Variants in ELMO1 observed in about 807,000 individuals in gnomAD.
ELMO1 encodes the protein engulfment and cell motility 1.
A neutral mutation model predicts 98.9 loss-of-function variants in ELMO1; 26 were observed. That is an observed-to-expected ratio of 0.26 (90% CI 0.19 to 0.36). The LOEUF is 0.36. ELMO1 is among the 10% of genes least tolerant of loss of function. ELMO1 has a pLI of 1.00. For missense variants in ELMO1, 627 were observed against 935.2 expected (o/e 0.67, Z 4.30); for synonymous variants, 346 against 346.0 (o/e 1.00, Z 0.00).
At chr7:37,407,319 C>T (rs916070081) in intron 1 of ELMO1, among the ~76,000 whole-genome samples, 2 of 152,022 alleles carry the variant, frequency 1.3e-5, no homozygotes, top group African/African-American at 2.4e-5. Context: ...ACCAGCCCGT[C>T]CAACATGCTG....
At chr7:36,918,976 A>C (rs1584369705) in intron 16 of ELMO1, among the ~76,000 whole-genome samples, 1 of 84,402 alleles carries the variant, frequency 1.2e-5, no homozygotes, top group Non-Finnish European at 2.8e-5. Flanking sequence ...GCATGCCTTC[A>C]TTCATTCATT....
intron 16 of ELMO1, among the ~76,000 whole-genome samples, chr7:36,969,066 T>C (rs1021843142): frequency 6.6e-5 from 10 of 152,148 alleles, no homozygotes; most frequent in African/African-American, 2.2e-4. Flanking sequence ...GTGATGCATT[T>C]TTGAAAAAGT....
intron 14 of ELMO1, among the ~76,000 whole-genome samples, chr7:37,126,501 GATATAAACAGTATA>G (rs1786534056): frequency 6.6e-6 from 1 of 151,832 alleles, no homozygotes; most frequent in African/African-American, 2.4e-5. Flanking sequence ...AAGTGATTCT[GATATAAACAGTATA>G]ATAACTTACA....
At chr7:37,040,044 A>ATG (rs531594427) in intron 15 of ELMO1, among the ~76,000 whole-genome samples, 6 of 151,700 alleles carry the variant, frequency 4.0e-5, no homozygotes, top group Non-Finnish European at 7.4e-5. Flanking sequence ...GTTTGTGTGT[A>ATG]TGTGTGTGTG....
chr7:37,244,595 C>G (rs1391211046), intron 6 of ELMO1, among the ~76,000 whole-genome samples: 2 of 152,136 alleles, frequency 1.3e-5, no homozygotes, highest in African/African-American at 4.8e-5. Flanking sequence ...ATCAAAAGAT[C>G]AGCATTAAAC....
chr7:37,162,463 C>A (rs1202023488), intron 13 of ELMO1, among the ~76,000 whole-genome samples: 1 of 152,204 alleles, frequency 6.6e-6, no homozygotes, highest in Non-Finnish European at 1.5e-5. Flanking sequence ...CTAAGTCATG[C>A]ACAGGCTCAG....
intron 20 of ELMO1, among the ~76,000 whole-genome samples, chr7:36,868,345 C>CT (rs1421380801): frequency 2.0e-5 from 2 of 98,446 alleles, no homozygotes; most frequent in African/African-American, 3.5e-5. Flanking sequence ...TCTTCTTCTT[C>CT]TTCTTTTTTT....
intron 14 of ELMO1, among the ~76,000 whole-genome samples, chr7:37,101,263 C>CT (rs1784624766): frequency 6.6e-6 from 1 of 152,188 alleles, no homozygotes; most frequent in South Asian, 2.1e-4. Context: ...GTCCCATGTG[C>CT]TGCTGTTTAA....
In ELMO1 at chr7:37,208,485, C is replaced by T. The variant is rs140402800; in HGVS notation, c.1086+2901G>A. On this transcript the variant is annotated intron_variant, in intron 13 of 21. Transcript: ENST00000310758. ...TCTTCAAAGTGATCCAAAAGATGAT[C>T]CAAACCTCAAATTAATCCTTAAAGT... Among the ~76,000 whole-genome samples, 59 of 152,314 alleles carry T rather than the reference C, an allele frequency of 3.9e-4. No individual in the cohort carries two copies. The East Asian group carries it at 9.2e-3, about 24-fold the overall frequency.
At chr7:37,016,935 GCCTCCAATGCA>G (rs1368007444) in intron 15 of ELMO1, among the ~76,000 whole-genome samples, 1 of 152,030 alleles carries the variant, frequency 6.6e-6, no homozygotes, top group Non-Finnish European at 1.5e-5. Flanking sequence ...AATTAACCCT[GCCTCCAATGCA>G]CCTCCACCAA....
At chr7:37,423,059 C>T (rs1804549931) in intron 1 of ELMO1, among the ~76,000 whole-genome samples, 1 of 152,208 alleles carries the variant, frequency 6.6e-6, no homozygotes, top group South Asian at 2.1e-4. Context: ...GGACTCAGGT[C>T]CCACTCCTTC....
intron 4 of ELMO1, among the ~76,000 whole-genome samples, chr7:37,285,920 G>GC: frequency 6.6e-6 from 1 of 152,070 alleles, no homozygotes; most frequent in Non-Finnish European, 1.5e-5. Context: ...AACGACATGT[G>GC]CAAATGCTTA....
chr7:37,081,284 A>G (rs1797853373), intron 15 of ELMO1, among the ~76,000 whole-genome samples: 1 of 152,276 alleles, frequency 6.6e-6, no homozygotes. Context: ...AAAATGGAAT[A>G]CTATGCAATT....
At chr7:37,067,420 C>T (rs1169365894) in intron 15 of ELMO1, among the ~76,000 whole-genome samples, 3 of 152,208 alleles carry the variant, frequency 2.0e-5, no homozygotes. Context: ...CAAAGAGCGA[C>T]AGAAATGCAA....
chr7:36,912,797 A>AT (rs1272860356), intron 16 of ELMO1, among the ~76,000 whole-genome samples: 2 of 152,220 alleles, frequency 1.3e-5, no homozygotes, highest in Non-Finnish European at 2.9e-5. Flanking sequence ...ACTGAAGATA[A>AT]TATCTGCCTC....
chr7:37,191,061 C>T (rs1248216101), intron 13 of ELMO1, among the ~76,000 whole-genome samples: 6 of 151,140 alleles, frequency 4.0e-5, no homozygotes, highest in East Asian at 2.0e-4. Context: ...TGGTGGTGGG[C>T]GCCTGTGGTC....
At chr7:37,388,158 GA>G (rs1358525772) in intron 1 of ELMO1, among the ~76,000 whole-genome samples, 12 of 152,092 alleles carry the variant, frequency 7.9e-5, no homozygotes, top group African/African-American at 2.9e-4. Context: ...TACACTTTGA[GA>G]AACAATGCCT....
intron 16 of ELMO1, among the ~76,000 whole-genome samples, chr7:36,995,204 G>A (rs536475324): frequency 7.0e-4 from 106 of 152,246 alleles, no homozygotes; most frequent in Middle Eastern, 3.4e-3. Context: ...CATCATAGAA[G>A]CCATTGTTAA....
At chr7:37,117,805 G>T (rs1054200308) in intron 14 of ELMO1, among the ~76,000 whole-genome samples, 1 of 152,090 alleles carries the variant, frequency 6.6e-6, no homozygotes. Context: ...AAACTCAAAC[G>T]TCCCAACAAG....
Sources: allele counts gnomAD v4.1 joint callset (sites outside exome capture counted in the v4.1 genomes callset), GRCh38; gene constraint gnomAD v4.1.1; transcripts MANE v1.5; gene names NCBI Gene and HGNC (gene_info 2026-07-23, HGNC 2026-07-21).